The following ZNF516 variants were observed in gnomAD, a reference collection of about 807,000 sequenced individuals.
The protein encoded by ZNF516 is zinc finger protein 516.
A neutral mutation model predicts 79.7 loss-of-function variants in ZNF516; 19 were observed. The observed-to-expected ratio is 0.24, with a 90% CI of 0.17 to 0.35. ZNF516 has a LOEUF of 0.35. ZNF516 is among the 10% of genes least tolerant of loss of function. The pLI, the probability that ZNF516 is intolerant of heterozygous loss-of-function variation, is 1.00. For missense variants in ZNF516, 1,678 were observed against 1,679.5 expected (o/e 1.00, Z 0.02); for synonymous variants, 877 against 739.5 (o/e 1.19, Z -3.02).
intron 3 of ZNF516, among the ~76,000 whole-genome samples, chr18:76,430,686 G>T (rs921555936): frequency 6.6e-6 from 1 of 152,144 alleles, no homozygotes; most frequent in Non-Finnish European, 1.5e-5. Flanking sequence ...AACCAAGTAG[G>T]TTATTAAATA....
chr18:76,369,158 G>C (rs1469985932), intron 6 of ZNF516, among the ~76,000 whole-genome samples: 1 of 152,186 alleles, frequency 6.6e-6, no homozygotes, highest in Non-Finnish European at 1.5e-5. Flanking sequence ...TGTGGCAAGA[G>C]GGTTTTATTT....
intron 3 of ZNF516, among the ~76,000 whole-genome samples, chr18:76,433,942 TCCTGG>T (rs1294793430): frequency 6.6e-6 from 1 of 152,080 alleles, no homozygotes; most frequent in Non-Finnish European, 1.5e-5. Flanking sequence ...ATCACACCTC[TCCTGG>T]CCGGGAAACC....
intron 1 of ZNF516, among the ~76,000 whole-genome samples, chr18:76,481,572 T>C (rs1914523761): frequency 6.6e-6 from 1 of 152,220 alleles, no homozygotes; most frequent in African/African-American, 2.4e-5. Flanking sequence ...CTGTGGGACT[T>C]TGATGAAGTT....
chr18:76,399,556 G>A (rs1256609294), intron 3 of ZNF516, among the ~76,000 whole-genome samples: 2 of 152,220 alleles, frequency 1.3e-5, no homozygotes, highest in African/African-American at 4.8e-5. Flanking sequence ...TAGTCATTTA[G>A]TAACTGACTT....
At position 76,361,318 on chromosome 18, in the gene ZNF516, G is replaced by C. The variant is rs1407194999; in HGVS notation, c.*1180C>G. 1 of 152,192 alleles carries C rather than the reference G, an allele frequency of 6.6e-6. No individual in the cohort carries two copies. Among genetic ancestry groups the C allele is most frequent in the Non-Finnish European group, 1.5e-5 (1 of 68,034 alleles). 9.4% of individuals were successfully genotyped at this position (152,192 alleles called of 1,614,324 possible). A position where few individuals can be genotyped will look rare whatever the true frequency, so the allele number is the denominator to read the frequency against. On this transcript the variant is annotated 3_prime_UTR_variant, in exon 7 of 7. Transcript: ENST00000443185. ...TACACTGCATGGTTTAAGATCCTTT[G>C]TTATGGGCCTTAACCCCCACCACAA...
chr18:76,423,482 CT>C (rs200719145), intron 3 of ZNF516, among the ~76,000 whole-genome samples: 3,034 of 149,866 alleles, frequency 0.02, 50 homozygotes, highest in African/African-American at 0.041. Context: ...AGGTTCCCCC[CT>C]GAAACACACA....
chr18:76,475,298 G>A (rs1031643347), intron 1 of ZNF516, among the ~76,000 whole-genome samples: 17 of 152,032 alleles, frequency 1.1e-4, no homozygotes, highest in African/African-American at 3.6e-4. Flanking sequence ...AATCACTTAC[G>A]ATTTTTAAAT....
intron 3 of ZNF516, chr18:76,387,268 A>G (rs1397972244): frequency 6.6e-6 from 1 of 152,392 alleles, no homozygotes; most frequent in East Asian, 1.9e-4. Context: ...TGGCATGTCC[A>G]TGCACCACAC....
chr18:76,366,727 T>C (rs888046513), intron 6 of ZNF516, among the ~76,000 whole-genome samples: 3 of 152,240 alleles, frequency 2.0e-5, no homozygotes, highest in African/African-American at 7.2e-5. Flanking sequence ...AAATTGCTTA[T>C]TTTTAGACTA....
intron 3 of ZNF516, among the ~76,000 whole-genome samples, chr18:76,438,620 A>G (rs1048860197): frequency 1.1e-4 from 17 of 152,246 alleles, no homozygotes; most frequent in African/African-American, 4.1e-4. Context: ...TAAAAGTAAC[A>G]TGAATATCAG....
chr18:76,377,765 G>T (rs1023062263), intron 4 of ZNF516, among the ~76,000 whole-genome samples: 1 of 146,248 alleles, frequency 6.8e-6, no homozygotes, highest in Non-Finnish European at 1.5e-5. Flanking sequence ...ACCCAGGCTG[G>T]AGTGCAGTGG....
intron 3 of ZNF516, among the ~76,000 whole-genome samples, chr18:76,385,238 A>G (rs553010991): frequency 2.0e-5 from 3 of 152,114 alleles, no homozygotes; most frequent in Admixed American, 6.5e-5. Context: ...AAACACAAAC[A>G]TGGATTAGGT....
chr18:76,379,521 T>G lies in ZNF516; in HGVS notation c.2593A>C (p.Lys865Gln). The G allele has an allele frequency of 1.2e-6, 2 of 1,613,694 alleles. No homozygotes were observed. The highest frequency in any genetic ancestry group is 2.2e-5 in the East Asian group (1 of 44,850). The stretch of plus-strand genomic sequence containing the variant: ...CCTCCGGAATGGCTCTCCTTATTCT[T>G]AGGCATGCTAGCGGCTTTTGTGACC... ...GVVTKAASMPKNKESHSGGPC... is the reference protein window; with the variant it reads ...GVVTKAASMPQNKESHSGGPC... The change falls in exon 4 of 7, where the codon AAG (lysine) becomes CAG (glutamine). Residue 865 changes from lysine (K) to glutamine (Q), a missense_variant. By Grantham distance (53) the Lys-to-Gln change is moderately conservative (BLOSUM62 1). Coordinates refer to ENST00000443185, the MANE Select transcript of ZNF516 (RefSeq NM_014643.4).
chr18:76,366,475 C>G (rs891046331), intron 6 of ZNF516, among the ~76,000 whole-genome samples: 3 of 152,278 alleles, frequency 2.0e-5, no homozygotes, highest in African/African-American at 4.8e-5. Context: ...GAATAATTAA[C>G]GACAAGTCTC....
intron 3 of ZNF516, among the ~76,000 whole-genome samples, chr18:76,428,790 C>T (rs930332062): frequency 2.0e-5 from 3 of 152,250 alleles, no homozygotes; most frequent in African/African-American, 7.2e-5. Context: ...AGAGGAGGAT[C>T]GCTCCTTTCC....
intron 1 of ZNF516, among the ~76,000 whole-genome samples, chr18:76,465,629 G>A (rs1052308990): frequency 5.3e-5 from 8 of 152,224 alleles, no homozygotes; most frequent in African/African-American, 1.9e-4. Context: ...AACCCCTGAT[G>A]TGCTGCGATG....
intron 3 of ZNF516, among the ~76,000 whole-genome samples, chr18:76,420,019 G>T (rs2075485439): frequency 6.6e-6 from 1 of 152,240 alleles, no homozygotes; most frequent in African/African-American, 2.4e-5. Flanking sequence ...TGATCATGAG[G>T]GAGCGACTCC....
At chr18:76,398,155 G>A (rs1431202045) in intron 3 of ZNF516, among the ~76,000 whole-genome samples, 2 of 152,172 alleles carry the variant, frequency 1.3e-5, no homozygotes, top group African/African-American at 2.4e-5. Flanking sequence ...GCGTCGCTCA[G>A]GTTTGGTTTT....
chr18:76,409,254 AT>A (rs1398835987), intron 3 of ZNF516, among the ~76,000 whole-genome samples: 1 of 152,242 alleles, frequency 6.6e-6, no homozygotes, highest in Non-Finnish European at 1.5e-5. Context: ...CTCTATTTTT[AT>A]ACAAATCAGG....
Sources: gnomAD v4.1 joint callset for allele counts (sites outside exome capture counted in the v4.1 genomes callset) on GRCh38, gnomAD v4.1.1 for gene constraint, MANE v1.5 for transcripts, NCBI Gene and HGNC (gene_info 2026-07-23, HGNC 2026-07-21) for gene names.